Variants in CCL17 observed in about 807,000 individuals in gnomAD.
CCL17 encodes C-C motif chemokine ligand 17, also known as C-C motif chemokine 17.
In CCL17, 8 loss-of-function variants were observed where a neutral mutation model predicts 7.4. The observed-to-expected ratio is 1.09, with a 90% confidence interval of 0.64 to 1.96. The LOEUF is 1.96. Ranked by LOEUF, CCL17 falls within the 30% of genes most tolerant of loss-of-function variation. CCL17 has a pLI of 0.00. For missense variants in CCL17, 102 were observed against 113.0 expected (o/e 0.90, Z 0.44); for synonymous variants, 40 against 46.1 (o/e 0.87, Z 0.54).
upstream of CCL17, chr16:57,404,756 T>C (rs1424911288): frequency 1.3e-5 from 2 of 154,336 alleles, no homozygotes; most frequent in Non-Finnish European, 2.9e-5. Flanking sequence ...TTTGCAGCTG[T>C]AGAAACTGAG....
chr16:57,411,709 G>C (rs1342665886), intron 1 of CCL17, among the ~76,000 whole-genome samples: 2 of 152,230 alleles, frequency 1.3e-5, no homozygotes, highest in East Asian at 3.9e-4. Flanking sequence ...GTGGTCGGCG[G>C]AGGCGCCCCT....
upstream of CCL17, among the ~76,000 whole-genome samples, chr16:57,403,166 TATTATCTATAATATATATA>T (rs1902619059): frequency 1.3e-5 from 1 of 75,682 alleles, no homozygotes; most frequent in African/African-American, 5.7e-5. Context: ...TAATATATAT[TATTATCTATAATATATATA>T]ATATATATTA....
chr16:57,404,064 G>A (rs1902660140), upstream of CCL17, among the ~76,000 whole-genome samples: 1 of 152,162 alleles, frequency 6.6e-6, no homozygotes, highest in South Asian at 2.1e-4. Context: ...GAGCATGTCT[G>A]TCTGGTTGGT....
upstream of CCL17, among the ~76,000 whole-genome samples, chr16:57,404,429 C>T (rs114434548): frequency 1.7e-3 from 257 of 152,090 alleles, 1 homozygote; most frequent in African/African-American, 5.7e-3. Context: ...GAGGAAGAGG[C>T]GTCAGGGATA....
chr16:57,404,613 G>A (rs896511898), upstream of CCL17, among the ~76,000 whole-genome samples: 7 of 152,126 alleles, frequency 4.6e-5, no homozygotes, highest in East Asian at 3.8e-4. Flanking sequence ...TGGAGTTTGC[G>A]AGAGAAACTT....
At chr16:57,398,489 T>A in the CCL17 span, among the ~76,000 whole-genome samples, 1 of 152,208 alleles carries the variant, frequency 6.6e-6, no homozygotes, top group Admixed American at 6.5e-5. Flanking sequence ...TTCTACTAGA[T>A]GGCCCTCTGG....
upstream of CCL17, among the ~76,000 whole-genome samples, chr16:57,402,792 G>A (rs1453620625): frequency 6.6e-6 from 1 of 151,956 alleles, no homozygotes; most frequent in Non-Finnish European, 1.5e-5. Flanking sequence ...TCTGCTTCAG[G>A]AACAACACCA....
intron 1 of CCL17, among the ~76,000 whole-genome samples, chr16:57,411,589 T>C (rs1902785670): frequency 6.6e-6 from 1 of 152,180 alleles, no homozygotes; most frequent in South Asian, 2.1e-4. Flanking sequence ...CCCTTGCAGT[T>C]GTGTAGCACA....
chr16:57,405,473 C>A (rs2146533537), intron 1 of CCL17, among the ~76,000 whole-genome samples: 1 of 152,254 alleles, frequency 6.6e-6, no homozygotes, highest in Admixed American at 6.5e-5. Flanking sequence ...GGAAACAATG[C>A]TGGCTTGAAC....
chr16:57,397,929 T>C, the CCL17 span, among the ~76,000 whole-genome samples: 1 of 152,164 alleles, frequency 6.6e-6, no homozygotes, highest in Non-Finnish European at 1.5e-5. Flanking sequence ...GCATATAGGT[T>C]AAGGTCAGGA....
intron 1 of CCL17, among the ~76,000 whole-genome samples, chr16:57,413,366 G>T (rs968504281): frequency 1.3e-5 from 2 of 151,958 alleles, no homozygotes; most frequent in Non-Finnish European, 2.9e-5. Context: ...CAGCCAGGGT[G>T]GCCCTGGCAG....
chr16:57,398,865 G>A, the CCL17 span, among the ~76,000 whole-genome samples: 2 of 152,190 alleles, frequency 1.3e-5, no homozygotes, highest in Non-Finnish European at 2.9e-5. Context: ...AGAAGTGGCC[G>A]AGATCTTGGG....
chr16:57,416,006 C>T lies in CCL17; in HGVS notation c.*145C>T. 1.6e-6 allele frequency: 1 copy of T among 614,418 alleles called. No homozygotes were observed. The highest frequency in any genetic ancestry group is 1.9e-5 in the South Asian group (1 of 52,274). 38.1% of individuals were successfully genotyped at this position (614,418 alleles called of 1,614,324 possible). On this transcript the variant is annotated 3_prime_UTR_variant, in exon 4 of 4. Coordinates refer to ENST00000219244, the MANE Select transcript of CCL17 (RefSeq NM_002987.3). ...GAGCCACAGTGAGGGAGATCCCATC[C>T]CCTTGTCTGAACTGGAGCCATGGGC...
chr16:57,414,250 A>G (rs1681050203), intron 2 of CCL17, among the ~76,000 whole-genome samples: 1 of 151,994 alleles, frequency 6.6e-6, no homozygotes, highest in African/African-American at 2.4e-5. Context: ...TTGGGCTGCA[A>G]TGGCCGTGAG....
Position 57,415,863 on chromosome 16 carries a change from GCCT to G in CCL17, c.*7_*9del. The G allele has an allele frequency of 6.3e-7, 1 of 1,580,468 alleles. No homozygotes were observed. The highest frequency in any genetic ancestry group is 8.7e-7 in the Non-Finnish European group (1 of 1,149,412). On this transcript the variant is annotated 3_prime_UTR_variant, in exon 4 of 4. Coordinates refer to ENST00000219244, the MANE Select transcript of CCL17 (RefSeq NM_002987.3). The surrounding 1 kb of genome is among the most constrained non-coding windows in gnomAD (Gnocchi z 4.5). ...CTGCAAAGCCTTGAGAGGTCTTGAA[GCCT>G]CCTCACCCCAGACTCCTGACTGTCT...
upstream of CCL17, among the ~76,000 whole-genome samples, chr16:57,402,243 G>T (rs1250608323): frequency 3.3e-5 from 5 of 150,030 alleles, no homozygotes; most frequent in Admixed American, 3.3e-4. Context: ...AGGTGGCATT[G>T]TGCGACGTGT....
intron 1 of CCL17, among the ~76,000 whole-genome samples, chr16:57,410,596 C>T (rs1902768002): frequency 6.6e-6 from 1 of 152,200 alleles, no homozygotes; most frequent in South Asian, 2.1e-4. Flanking sequence ...CTAGAATCCT[C>T]ACAGCAGCAT....
chr16:57,396,600 G>A, the CCL17 span, among the ~76,000 whole-genome samples: 2 of 152,208 alleles, frequency 1.3e-5, no homozygotes, highest in African/African-American at 4.8e-5. Flanking sequence ...AGGGGGTCCA[G>A]GGGTGAATGG....
chr16:57,403,594 TTATAATATA>T (rs1431951889), upstream of CCL17, among the ~76,000 whole-genome samples: 8 of 63,888 alleles, frequency 1.3e-4, no homozygotes, highest in Admixed American at 5.9e-4. Flanking sequence ...TAATATATAT[TTATAATATA>T]TATAATATAT....
Sources: allele counts gnomAD v4.1 joint callset (sites outside exome capture counted in the v4.1 genomes callset), GRCh38; gene constraint gnomAD v4.1.1; non-coding constraint Gnocchi (gnomAD v3.1); transcripts MANE v1.5; gene names NCBI Gene and HGNC (gene_info 2026-07-23, HGNC 2026-07-21).